The following MCF2L variants were observed in gnomAD, a reference collection of about 807,000 sequenced individuals.
MCF2L encodes the protein MCF.2 cell line derived transforming sequence like.
Under a neutral mutation model 153.4 loss-of-function variants are expected in MCF2L, and 97 were observed. The ratio of observed to expected loss-of-function variants is 0.63; its 90% CI spans 0.54 to 0.75. MCF2L has a LOEUF of 0.75. MCF2L is among the 30% of genes least tolerant of loss of function. The pLI, the probability that MCF2L is intolerant of heterozygous loss-of-function variation, is 0.00. For synonymous variants in MCF2L, 659 were observed against 632.2 expected, an observed-to-expected ratio of 1.04 and a Z score of -0.64; for missense variants, 1,347 against 1,495.2, an observed-to-expected ratio of 0.90 and a Z score of 1.64.
At chr13:112,995,084 G>A (rs985438834) in intron 1 of MCF2L, among the ~76,000 whole-genome samples, 8 of 152,194 alleles carry the variant, frequency 5.3e-5, no homozygotes, top group Non-Finnish European at 7.4e-5. Context: ...TGGCACTCAC[G>A]TGTGTCTGCC....
chr13:113,034,176 G>A (rs1280983054), intron 3 of MCF2L: 6 of 132,438 alleles, frequency 4.5e-5, no homozygotes, highest in Non-Finnish European at 6.1e-5. Context: ...TGGCTCTGTC[G>A]CCCAGGCTGG....
chr13:113,095,895 C>A, intron 27 of MCF2L: 2 of 713,670 alleles, frequency 2.8e-6, no homozygotes, highest in Non-Finnish European at 3.6e-6. Flanking sequence ...GCGGGAACAG[C>A]ACAGACAGGA....
chr13:113,078,259 G>T, intron 13 of MCF2L, 104 bp from the exon 14 acceptor site: 1 of 921,440 alleles, frequency 1.1e-6, no homozygotes, highest in South Asian at 1.4e-5. Context: ...TGGCCTCAGA[G>T]GCCGAGTCCT....
chr13:112,911,943 C>T (rs1001900521), intron 2 of MCF2L, among the ~76,000 whole-genome samples: 5 of 152,274 alleles, frequency 3.3e-5, no homozygotes, highest in Admixed American at 1.3e-4. Context: ...GTGGCCAATC[C>T]GCCAAGAATA....
intron 1 of MCF2L, among the ~76,000 whole-genome samples, chr13:112,973,529 G>A (rs1266837394): frequency 1.3e-5 from 2 of 152,240 alleles, no homozygotes; most frequent in African/African-American, 4.8e-5. Context: ...GGTGTCCTGT[G>A]TTGCTGACCT....
intron 1 of MCF2L, among the ~76,000 whole-genome samples, chr13:113,013,080 C>T (rs1173471178): frequency 6.6e-6 from 1 of 152,140 alleles, no homozygotes; most frequent in Non-Finnish European, 1.5e-5. Flanking sequence ...GTCACAGTCG[C>T]TCCTGGTGAG....
At chr13:112,946,892 A>T (rs937827140) in intron 2 of MCF2L, among the ~76,000 whole-genome samples, 1 of 152,084 alleles carries the variant, frequency 6.6e-6, no homozygotes, top group African/African-American at 2.4e-5. Flanking sequence ...GACAACTCTG[A>T]GGGGGGGAGG....
chr13:113,026,687 T>C (rs1364355266), intron 3 of MCF2L, among the ~76,000 whole-genome samples: 2 of 152,246 alleles, frequency 1.3e-5, no homozygotes, highest in South Asian at 2.1e-4. Flanking sequence ...CTCTGTGTCG[T>C]GGTCAGGCCC....
intron 26 of MCF2L, chr13:113,090,786 G>C (rs572035726): frequency 1.0e-6 from 1 of 985,444 alleles, no homozygotes; most frequent in South Asian, 4.7e-5. Context: ...ATGCTTTTAA[G>C]TTGGCCTGAG....
At position 113,053,821 on chromosome 13, in the gene MCF2L, G is replaced by A. The variant is rs889672025; in HGVS notation, c.370-6772G>A. On this transcript the variant is annotated intron_variant, in intron 4 of 29. Transcript: ENST00000535094. The surrounding 1 kb of genome is among the most constrained non-coding windows in gnomAD (Gnocchi z 4.4). ...TCCAGTGATCTTGCCTGTACTCTCC[G>A]CCTCTGCAGAGTGAGGTTTTCACTG... Among the ~76,000 whole-genome samples, 35 of 152,118 alleles carry A rather than the reference G, an allele frequency of 2.3e-4. No homozygotes were observed. The highest frequency in any genetic ancestry group is 8.2e-4 in the African/African-American group (34 of 41,416).
chr13:113,083,944 G>T, intron 17 of MCF2L, 54 bp from the exon 18 acceptor site: 1 of 1,287,326 alleles, frequency 7.8e-7, no homozygotes, highest in Non-Finnish European at 1.1e-6. Context: ...ACTTGTCACT[G>T]GTCCACGTGA....
rs1254923508 is a variant in MCF2L at position 112,941,436 on chromosome 13, A to G, written c.169+39065A>G. On this transcript the variant is annotated intron_variant, in intron 2 of 29. Coordinates refer to the MCF2L transcript ENST00000375608. The surrounding 1 kb of genome is among the most constrained non-coding windows in gnomAD (Gnocchi z 4.9). The stretch of plus-strand genomic sequence containing the variant: ...CCTTGTACATTTCCTTTAGGTGTAA[A>G]AGGAAAATAACTTACAGTAAAATGT... Among the ~76,000 whole-genome samples the G allele has an allele frequency of 6.6e-6, 1 of 151,562 alleles. No homozygotes were observed. The highest frequency in any genetic ancestry group is 1.5e-5 in the Non-Finnish European group (1 of 67,938).
chr13:113,097,146 C>A lies in MCF2L; in HGVS notation c.*287C>A, dbSNP rs564658615. 1.2e-4 allele frequency: 38 copies of A among 318,036 alleles called. No homozygotes were observed. In the South Asian group the frequency reaches 5.9e-3, roughly 49 times the overall value. 19.7% of individuals were successfully genotyped at this position (318,036 alleles called of 1,614,324 possible). On this transcript the variant is annotated 3_prime_UTR_variant, in exon 30 of 30. Transcript: ENST00000535094. ...ATCTCGTCCTGGCTCCACCGTGCTG[C>A]TTCTGCCTCTGGACGGTGCTTTCAG... is the stretch of plus-strand genomic sequence containing the variant.
Position 113,064,049 on chromosome 13 carries a change from G to A in MCF2L, c.490-255G>A, listed in dbSNP as rs1332189080. 6.6e-6 allele frequency among the ~76,000 whole-genome samples: 1 copy of A among 152,122 alleles called. No homozygotes were observed. The highest frequency in any genetic ancestry group is 1.5e-5 in the Non-Finnish European group (1 of 68,026). ...GCCTGCCAAATAGCAGGGAAGGAGG[G>A]CGCACGGAGTTATCTCCATCATAAG... On this transcript the variant is annotated intron_variant, in intron 5 of 29. Coordinates refer to ENST00000535094, the MANE Select transcript of MCF2L (RefSeq NM_001112732.3). This position sits in a 1 kb window ranked among gnomAD's most constrained non-coding sequence, Gnocchi z 6.0.
Position 113,003,042 on chromosome 13 carries a change from G to A in MCF2L, c.80-11721G>A, listed in dbSNP as rs947357916. 3.3e-5 allele frequency among the ~76,000 whole-genome samples: 5 copies of A among 152,212 alleles called. No homozygotes were observed. The East Asian group carries it at 9.7e-4, about 29-fold the overall frequency. ...AAAAAATTAATAGGCTGGGTGTGGT[G>A]GCGTGTGCCTGTAGTCCCAGCCACC... On this transcript the variant is annotated intron_variant, in intron 1 of 29. Transcript: ENST00000535094.
rs9577433 is a variant in MCF2L, at chr13:113,041,452, T to C, written c.279-3819T>C. Reference sequence around the variant, plus strand: ...TGACCACAGTCAGTATGGGGGATCATGTGGCCCTGCCCCCGTGACCACAGT... The same window carrying C: ...TGACCACAGTCAGTATGGGGGATCACGTGGCCCTGCCCCCGTGACCACAGT... On this transcript the variant is annotated intron_variant, in intron 3 of 29. Transcript: ENST00000535094. Among the ~76,000 whole-genome samples the C allele has an allele frequency of 5.0e-3, 716 of 141,864 alleles. 22 individuals are homozygous for C. The East Asian group carries it at 0.089, about 18-fold the overall frequency. The allele number at this position is 141,864 out of a possible 152,430, so 93.1% of individuals were successfully genotyped here.
At chr13:113,065,151 T>A in intron 7 of MCF2L, 66 bp downstream of exon 7, 1 of 1,550,362 alleles carries the variant, frequency 6.5e-7, no homozygotes, top group Non-Finnish European at 8.8e-7. Context: ...TGCGCGGGGC[T>A]CCGGTCGGAA....
chr13:112,950,426 T>C (rs2081680568), intron 2 of MCF2L, among the ~76,000 whole-genome samples: 1 of 152,208 alleles, frequency 6.6e-6, no homozygotes, highest in Non-Finnish European at 1.5e-5. Context: ...CTAGAATACC[T>C]AAATCAGTCT....
At chr13:112,930,520 T>A (rs774803675) in intron 2 of MCF2L, among the ~76,000 whole-genome samples, 1 of 152,156 alleles carries the variant, frequency 6.6e-6, no homozygotes, top group Non-Finnish European at 1.5e-5. Flanking sequence ...AAATCCATAG[T>A]TGCTGAGAGG....
Sources: allele counts gnomAD v4.1 joint callset (sites outside exome capture counted in the v4.1 genomes callset), GRCh38; gene constraint gnomAD v4.1.1; non-coding constraint Gnocchi (gnomAD v3.1); transcripts MANE v1.5; gene names NCBI Gene and HGNC (gene_info 2026-07-23, HGNC 2026-07-21).